Variants in CDH8 observed in about 807,000 individuals in gnomAD.
CDH8 encodes cadherin-8.
A neutral mutation model predicts 68.1 loss-of-function variants in CDH8; 17 were observed. The ratio of observed to expected loss-of-function variants is 0.25; its 90% confidence interval spans 0.17 to 0.37. The LOEUF is 0.37. Among genes scored for constraint, CDH8 ranks in the 10% least tolerant of loss-of-function variants. The pLI, the probability that CDH8 is intolerant of heterozygous loss-of-function variation, is 1.00. For missense variants in CDH8, 763 were observed against 999.3 expected (o/e 0.76, Z 3.19); for synonymous variants, 372 against 365.1 (o/e 1.02, Z -0.21).
intron 2 of CDH8, among the ~76,000 whole-genome samples, chr16:61,995,640 G>A (rs544536259): frequency 1.3e-5 from 2 of 152,304 alleles, no homozygotes; most frequent in African/African-American, 2.4e-5. Flanking sequence ...GCCTCCCAAA[G>A]TGCTGGGATT....
intron 3 of CDH8, among the ~76,000 whole-genome samples, chr16:61,891,736 T>C (rs1963782485): frequency 6.6e-6 from 1 of 152,172 alleles, no homozygotes; most frequent in Admixed American, 6.6e-5. Flanking sequence ...AGATTTCTTT[T>C]GAAAGTGTTT....
intron 9 of CDH8, among the ~76,000 whole-genome samples, chr16:61,722,733 A>G (rs767768571): frequency 6.6e-6 from 1 of 150,840 alleles, no homozygotes; most frequent in Non-Finnish European, 1.5e-5. Context: ...TGTGTCAAGC[A>G]TTGGCTAGAT....
chr16:61,999,686 ACATG>A (rs1361030666), intron 2 of CDH8, among the ~76,000 whole-genome samples: 2 of 152,136 alleles, frequency 1.3e-5, no homozygotes, highest in Admixed American at 1.3e-4. Flanking sequence ...AATGTCATAC[ACATG>A]CATATCGCTT....
At chr16:61,766,620 T>C (rs1398351761) in intron 8 of CDH8, among the ~76,000 whole-genome samples, 1 of 151,468 alleles carries the variant, frequency 6.6e-6, no homozygotes, top group African/African-American at 2.4e-5. Context: ...GTATAAGCAT[T>C]CCTTTTCATC....
chr16:62,031,883 T>A (rs1902336375), intron 1 of CDH8: 2 of 152,222 alleles, frequency 1.3e-5, no homozygotes, highest in African/African-American at 4.8e-5. Flanking sequence ...ATGGCATCCC[T>A]TGAACTTATT....
intron 3 of CDH8, among the ~76,000 whole-genome samples, chr16:61,874,935 C>A (rs939534792): frequency 6.6e-6 from 1 of 152,094 alleles, no homozygotes; most frequent in African/African-American, 2.4e-5. Context: ...TTTTGCAAGA[C>A]AGAGTGCTAG....
chr16:61,773,975 C>T (rs1960845704), intron 8 of CDH8, among the ~76,000 whole-genome samples: 2 of 152,026 alleles, frequency 1.3e-5, no homozygotes, highest in South Asian at 4.1e-4. Context: ...AAGGGGATAC[C>T]TGACCTAGTA....
chr16:61,820,880 T>C, intron 6 of CDH8, 46 bp downstream of exon 6: 1 of 1,534,524 alleles, frequency 6.5e-7, no homozygotes. Context: ...AAAACTCAAG[T>C]TTCAACAAGA....
At chr16:61,809,475 T>C (rs1961887304) in intron 7 of CDH8, among the ~76,000 whole-genome samples, 1 of 152,240 alleles carries the variant, frequency 6.6e-6, no homozygotes, top group African/African-American at 2.4e-5. Context: ...GACAAATACC[T>C]AATGCATATG....
chr16:62,026,809 T>C (rs535901404), intron 1 of CDH8, among the ~76,000 whole-genome samples: 2 of 152,322 alleles, frequency 1.3e-5, no homozygotes, highest in South Asian at 4.1e-4. Context: ...CCACACTATT[T>C]GTATGCTTGT....
chr16:61,672,866 G>A (rs1481348972), intron 10 of CDH8, among the ~76,000 whole-genome samples: 2 of 152,044 alleles, frequency 1.3e-5, no homozygotes, highest in Non-Finnish European at 2.9e-5. Flanking sequence ...TGGTTTTCAA[G>A]CAAATGTTCT....
In CDH8 at chr16:61,792,132, G is replaced by A. The variant is rs180986469; in HGVS notation, c.1278-2650C>T. Among the ~76,000 whole-genome samples the A allele has an allele frequency of 1.6e-3, 243 of 152,054 alleles. 2 individuals are homozygous for A. The highest frequency in any genetic ancestry group is 4.8e-3 in the African/African-American group (200 of 41,522). Reference sequence around the variant, plus strand: ...AAATGGCAGAAAACTTTAAAAAAATGTGTGTTATTTAACTCCCATAACTCT... The same window carrying A: ...AAATGGCAGAAAACTTTAAAAAAATATGTGTTATTTAACTCCCATAACTCT... On this transcript the variant is annotated intron_variant, in intron 7 of 11. Coordinates refer to ENST00000577390, the MANE Select transcript of CDH8 (RefSeq NM_001796.5).
intron 10 of CDH8, among the ~76,000 whole-genome samples, chr16:61,701,163 C>T (rs1402828084): frequency 1.3e-5 from 2 of 152,114 alleles, no homozygotes; most frequent in African/African-American, 2.4e-5. Context: ...CTATCCCAGT[C>T]GCAAATGGGT....
chr16:61,770,448 A>G (rs1220157542), intron 8 of CDH8, among the ~76,000 whole-genome samples: 1 of 151,864 alleles, frequency 6.6e-6, no homozygotes, highest in Non-Finnish European at 1.5e-5. Flanking sequence ...TTGGGTATCT[A>G]TTTATACTGA....
chr16:61,693,427 C>T (rs1331690634), intron 10 of CDH8: 1 of 151,978 alleles, frequency 6.6e-6, no homozygotes, highest in Non-Finnish European at 1.5e-5. Context: ...TATAGGACCC[C>T]AAAGCCTTTC....
Position 61,992,050 on chromosome 16 carries a change from T to TTGTGTG in CDH8, c.252+29096_252+29101dup, listed in dbSNP as rs11271459. Among the ~76,000 whole-genome samples, 366 of 144,428 alleles carry TTGTGTG rather than the reference T, an allele frequency of 2.5e-3. 1 individual carries two copies. Among genetic ancestry groups the TTGTGTG allele is most frequent in the African/African-American group, 7.5e-3 (291 of 38,984 alleles). 94.8% of individuals were successfully genotyped at this position (144,428 alleles called of 152,430 possible). A position where few individuals can be genotyped will look rare whatever the true frequency, so the allele number is the denominator to read the frequency against. ...TTTCTGCACAATACATGCTAAATCT[T>TTGTGTG]TGTGTGTGTGTGTGTGTGTGTGTGT... On this transcript the variant is annotated intron_variant, in intron 2 of 11. Coordinates refer to ENST00000577390, the MANE Select transcript of CDH8 (RefSeq NM_001796.5).
chr16:61,683,571 C>T lies in CDH8; in HGVS notation c.1655-27850G>A, dbSNP rs185816707. On this transcript the variant is annotated intron_variant, in intron 10 of 11. Coordinates refer to ENST00000577390, the MANE Select transcript of CDH8 (RefSeq NM_001796.5). ...GTTGAAAGAGGTAGGTCCTTTACAA[C>T]AAATACTATTTGAGTTCTTTAAAAG... Among the ~76,000 whole-genome samples the T allele has an allele frequency of 3.4e-3, 515 of 152,090 alleles. 5 individuals are homozygous for T. The highest frequency in any genetic ancestry group is 2.1e-3 in the Non-Finnish European group (143 of 67,960).
rs891780615 is a variant in CDH8 at position 61,650,840 on chromosome 16, G to C, written c.*2768C>G. 2 of 151,990 alleles carry C rather than the reference G, an allele frequency of 1.3e-5. No individual in the cohort carries two copies. Among genetic ancestry groups the C allele is most frequent in the Non-Finnish European group, 2.9e-5 (2 of 68,002 alleles). The allele number at this position is 151,990 out of a possible 1,614,324, so 9.4% of individuals were successfully genotyped here. ...CAAGGTATTAGTCACTTTATTCTAT[G>C]TTACAAGACCTGAAATAGGCTTTTA... On this transcript the variant is annotated 3_prime_UTR_variant, in exon 12 of 12. Coordinates refer to ENST00000577390, the MANE Select transcript of CDH8 (RefSeq NM_001796.5).
intron 3 of CDH8, among the ~76,000 whole-genome samples, chr16:61,887,103 T>C (rs1270310198): frequency 2.6e-5 from 4 of 152,180 alleles, no homozygotes; most frequent in African/African-American, 4.8e-5. Flanking sequence ...GTAGGTAACA[T>C]TGGTAATGAT....
Sources: allele counts gnomAD v4.1 joint callset (sites outside exome capture counted in the v4.1 genomes callset), GRCh38; gene constraint gnomAD v4.1.1; transcripts MANE v1.5; gene names NCBI Gene and HGNC (gene_info 2026-07-23, HGNC 2026-07-21).